Variants in GABRB1 observed in about 807,000 individuals in gnomAD.
GABRB1 encodes gamma-aminobutyric acid type A receptor subunit beta1, also known as gamma-aminobutyric acid receptor subunit beta-1.
A neutral mutation model predicts 51.6 loss-of-function variants in GABRB1; 17 were observed. The ratio of observed to expected loss-of-function variants is 0.33; its 90% CI spans 0.23 to 0.49. The LOEUF is 0.49. Ranked by LOEUF, GABRB1 falls within the 20% of genes least tolerant of loss-of-function variation. The probability of loss-of-function intolerance (pLI) is 0.99; values close to 1 mark genes in which losing one functional copy is unlikely to be tolerated. For synonymous variants in GABRB1, 247 were observed against 218.9 expected, an observed-to-expected ratio of 1.13 and a Z score of -1.14; for missense variants, 410 against 600.6, an observed-to-expected ratio of 0.68 and a Z score of 3.32.
chr4:47,409,172 C>T (rs528485157), intron 8 of GABRB1, among the ~76,000 whole-genome samples: 34 of 152,204 alleles, frequency 2.2e-4, no homozygotes, highest in South Asian at 6.2e-4. Context: ...TGGGTGCCTG[C>T]GACTCCCGAA....
intron 3 of GABRB1, among the ~76,000 whole-genome samples, chr4:47,055,413 G>A (rs968776032): frequency 7.9e-5 from 12 of 152,224 alleles, no homozygotes; most frequent in African/African-American, 2.9e-4. Flanking sequence ...GAGCTCAGTA[G>A]TGGGCTTTTT....
chr4:47,222,265 G>A (rs1720794844), intron 4 of GABRB1, among the ~76,000 whole-genome samples: 1 of 152,062 alleles, frequency 6.6e-6, no homozygotes, highest in Non-Finnish European at 1.5e-5. Flanking sequence ...TTAGCAAGTA[G>A]GCAAATTAGT....
chr4:47,264,690 T>C (rs950658737), intron 4 of GABRB1, among the ~76,000 whole-genome samples: 2 of 152,254 alleles, frequency 1.3e-5, no homozygotes, highest in Admixed American at 6.5e-5. Flanking sequence ...ACATTTAAAG[T>C]GTAGAATTAC....
chr4:46,994,951 G>C (rs1577807050), intron 1 of GABRB1, among the ~76,000 whole-genome samples: 1 of 152,156 alleles, frequency 6.6e-6, no homozygotes, highest in South Asian at 2.1e-4. Context: ...CTTTCTAAGG[G>C]AAAGCCCAAA....
At chr4:47,263,928 T>C (rs1019758538) in intron 4 of GABRB1, among the ~76,000 whole-genome samples, 8 of 151,882 alleles carry the variant, frequency 5.3e-5, no homozygotes, top group African/African-American at 1.9e-4. Flanking sequence ...CAGTGGATTA[T>C]TTGAGCCCAG....
At chr4:47,052,117 G>A (rs1226157506) in intron 3 of GABRB1, among the ~76,000 whole-genome samples, 1 of 152,120 alleles carries the variant, frequency 6.6e-6, no homozygotes, top group African/African-American at 2.4e-5. Flanking sequence ...GTGACAGAGT[G>A]AGACCCTGTC....
chr4:47,154,874 T>C (rs1466395252), intron 3 of GABRB1, among the ~76,000 whole-genome samples: 2 of 152,092 alleles, frequency 1.3e-5, no homozygotes, highest in East Asian at 3.9e-4. Flanking sequence ...TAGCTTCCTC[T>C]TTTGATTCAC....
intron 4 of GABRB1, among the ~76,000 whole-genome samples, chr4:47,228,211 A>G (rs1177685510): frequency 6.6e-6 from 1 of 152,158 alleles, no homozygotes. Flanking sequence ...TCTCATCTCA[A>G]TATCATAGTA....
At chr4:47,376,996 A>G (rs1316950483) in intron 5 of GABRB1, among the ~76,000 whole-genome samples, 1 of 152,076 alleles carries the variant, frequency 6.6e-6, no homozygotes, top group Non-Finnish European at 1.5e-5. Context: ...TTCACATCAC[A>G]TTGTATTTAT....
At chr4:47,275,017 T>C (rs1296825602) in intron 4 of GABRB1, among the ~76,000 whole-genome samples, 1 of 152,174 alleles carries the variant, frequency 6.6e-6, no homozygotes, top group Non-Finnish European at 1.5e-5. Context: ...CTTTGCAAAG[T>C]TCAAGAGCCA....
chr4:47,368,690 A>G (rs1727078549), intron 5 of GABRB1, among the ~76,000 whole-genome samples: 1 of 151,980 alleles, frequency 6.6e-6, no homozygotes, highest in Admixed American at 6.6e-5. Context: ...TTTTCTCACC[A>G]CACATTGCTT....
intron 1 of GABRB1, among the ~76,000 whole-genome samples, chr4:47,015,367 G>T (rs1002971296): frequency 6.6e-6 from 1 of 152,182 alleles, no homozygotes; most frequent in African/African-American, 2.4e-5. Context: ...AGGATAAACA[G>T]AAATAGAAAA....
At chr4:46,995,287 A>G (rs1577807407) in intron 1 of GABRB1, among the ~76,000 whole-genome samples, 1 of 152,222 alleles carries the variant, frequency 6.6e-6, no homozygotes, top group South Asian at 2.1e-4. Flanking sequence ...GAACTAGTGT[A>G]TCCTCCAAAT....
intron 3 of GABRB1, among the ~76,000 whole-genome samples, chr4:47,037,408 A>T (rs945381641): frequency 6.6e-6 from 1 of 152,172 alleles, no homozygotes; most frequent in Non-Finnish European, 1.5e-5. Context: ...TTATTCTTAT[A>T]TGAGTAATCA....
intron 4 of GABRB1, among the ~76,000 whole-genome samples, chr4:47,293,180 C>T (rs899926814): frequency 2.0e-5 from 3 of 151,968 alleles, no homozygotes; most frequent in South Asian, 2.1e-4. Context: ...TTGCTCTTGT[C>T]GCCCATGCTG....
intron 4 of GABRB1, among the ~76,000 whole-genome samples, chr4:47,269,935 TACACACACACACAC>T (rs10639386): frequency 6.3e-4 from 86 of 136,056 alleles, no homozygotes; most frequent in Middle Eastern, 3.9e-3. Context: ...CAACTCTCCC[TACACACACACACAC>T]ACACACACAC....
intron 1 of GABRB1, among the ~76,000 whole-genome samples, chr4:47,007,385 G>A (rs1379418010): frequency 6.6e-6 from 1 of 152,040 alleles, no homozygotes; most frequent in African/African-American, 2.4e-5. Context: ...AGAACACATT[G>A]ACAAAACTAA....
At chr4:47,334,885 T>C (rs9917915) in intron 5 of GABRB1, among the ~76,000 whole-genome samples, 93,643 of 152,060 alleles carry the variant, frequency 0.62, 28,965 homozygotes, top group East Asian at 0.7. Context: ...TAGCTTCACA[T>C]GAATTAAAGG....
At chr4:47,200,687 C>T (rs1233912831) in intron 4 of GABRB1, among the ~76,000 whole-genome samples, 2 of 152,106 alleles carry the variant, frequency 1.3e-5, no homozygotes, top group Non-Finnish European at 1.5e-5. Flanking sequence ...CAGAGCTTTG[C>T]GCACAAGGCC....
Sources: gnomAD v4.1 joint callset for allele counts (sites outside exome capture counted in the v4.1 genomes callset) on GRCh38, gnomAD v4.1.1 for gene constraint, MANE v1.5 for transcripts, NCBI Gene and HGNC (gene_info 2026-07-23, HGNC 2026-07-21) for gene names.